Variants in LRP1B observed in about 807,000 individuals in gnomAD.
The protein encoded by LRP1B is low-density lipoprotein receptor-related protein 1B.
LRP1B carries 217 observed loss-of-function variants against 556.6 expected under a neutral mutation model. The ratio of observed to expected loss-of-function variants is 0.39; its 90% CI spans 0.35 to 0.44. The LOEUF (loss-of-function observed/expected upper bound fraction) is 0.44. Among genes scored for constraint, LRP1B ranks in the 20% least tolerant of loss-of-function variants. The pLI is 1.00. For missense variants in LRP1B, 5,053 were observed against 5,620.8 expected, an observed-to-expected ratio of 0.90 and a Z score of 3.23; for synonymous variants, 2,047 against 1,865.8, an observed-to-expected ratio of 1.10 and a Z score of -2.50.
chr2:141,475,687 G>A (rs1682675898), intron 3 of LRP1B, among the ~76,000 whole-genome samples: 1 of 152,096 alleles, frequency 6.6e-6, no homozygotes, highest in Non-Finnish European at 1.5e-5. Context: ...CAGAAAAGCA[G>A]CAGAGCAACA....
chr2:141,864,182 G>T (rs1378319870), intron 1 of LRP1B, among the ~76,000 whole-genome samples: 5 of 152,248 alleles, frequency 3.3e-5, no homozygotes, highest in African/African-American at 1.2e-4. Flanking sequence ...TAATTATTGT[G>T]AATAACTAAT....
chr2:140,234,929 A>C (rs1179165045), intron 89 of LRP1B, 45 bp from the exon 90 acceptor site: 2 of 745,602 alleles, frequency 2.7e-6, no homozygotes, highest in Admixed American at 1.9e-5. Flanking sequence ...AATATTATAG[A>C]ATCACTTTTC....
chr2:140,461,963 A>G (rs1687343360), intron 60 of LRP1B, among the ~76,000 whole-genome samples: 1 of 152,252 alleles, frequency 6.6e-6, no homozygotes, highest in South Asian at 2.1e-4. Flanking sequence ...ACAGAGTAAC[A>G]TGAGCTTAGA....
At chr2:141,232,974 A>G (rs1248790434) in intron 5 of LRP1B, among the ~76,000 whole-genome samples, 1 of 152,180 alleles carries the variant, frequency 6.6e-6, no homozygotes. Context: ...AATGTAATCT[A>G]TCTCTACCTG....
chr2:140,250,250 G>T (rs1285971330), intron 86 of LRP1B, among the ~76,000 whole-genome samples: 1 of 151,630 alleles, frequency 6.6e-6, no homozygotes, highest in Non-Finnish European at 1.5e-5. Context: ...ATAAAAATCA[G>T]CTTTATCTTA....
At chr2:141,660,278 G>C (rs1690164669) in intron 2 of LRP1B, among the ~76,000 whole-genome samples, 1 of 152,118 alleles carries the variant, frequency 6.6e-6, no homozygotes, top group South Asian at 2.1e-4. Flanking sequence ...ATGCTACCCT[G>C]CCCGGGAAGC....
chr2:141,137,199 C>G (rs542884650), intron 7 of LRP1B, among the ~76,000 whole-genome samples: 20 of 151,932 alleles, frequency 1.3e-4, no homozygotes, highest in African/African-American at 4.8e-4. Context: ...AAGACTCAAG[C>G]AAAGGGTCTA....
intron 11 of LRP1B, among the ~76,000 whole-genome samples, chr2:141,030,944 T>C (rs1469369424): frequency 6.6e-6 from 1 of 151,948 alleles, no homozygotes; most frequent in Non-Finnish European, 1.5e-5. Context: ...TCTTAGTCTA[T>C]GACCGAGTCT....
intron 2 of LRP1B, among the ~76,000 whole-genome samples, chr2:141,523,474 C>T (rs1372156744): frequency 2.0e-5 from 3 of 152,016 alleles, no homozygotes; most frequent in Non-Finnish European, 4.4e-5. Context: ...AGTGAATTAA[C>T]ATAAACAAGC....
At chr2:141,103,971 G>T (rs891063093) in intron 7 of LRP1B, among the ~76,000 whole-genome samples, 1 of 151,768 alleles carries the variant, frequency 6.6e-6, no homozygotes, top group East Asian at 1.9e-4. Flanking sequence ...TGTTTTTCAC[G>T]TTCGACATAA....
At chr2:141,526,623 C>T (rs957594953) in intron 2 of LRP1B, among the ~76,000 whole-genome samples, 1 of 151,940 alleles carries the variant, frequency 6.6e-6, no homozygotes, top group Non-Finnish European at 1.5e-5. Context: ...CACTGCCTTC[C>T]ACTTGCTCTC....
intron 1 of LRP1B, among the ~76,000 whole-genome samples, chr2:142,054,656 C>T (rs1214499598): frequency 6.6e-6 from 1 of 152,092 alleles, no homozygotes; most frequent in Non-Finnish European, 1.5e-5. Context: ...TGGATTCCTT[C>T]AGTAGAGTGG....
At chr2:140,553,706 AG>A (rs970326400) in intron 43 of LRP1B, among the ~76,000 whole-genome samples, 3 of 152,026 alleles carry the variant, frequency 2.0e-5, no homozygotes, top group African/African-American at 7.2e-5. Flanking sequence ...ACTCTTAACA[AG>A]GATTTTTGGA....
intron 1 of LRP1B, among the ~76,000 whole-genome samples, chr2:142,036,864 AAAGATTCCT>A (rs1240191734): frequency 6.6e-6 from 1 of 151,686 alleles, no homozygotes; most frequent in African/African-American, 2.4e-5. Context: ...AGGCAAAAAT[AAAGATTCCT>A]AACCCATTGT....
chr2:140,597,024 T>A (rs61539815), intron 43 of LRP1B, among the ~76,000 whole-genome samples: 3,062 of 152,236 alleles, frequency 0.02, 123 homozygotes, highest in African/African-American at 0.069. Context: ...AATTAACTTT[T>A]GCAAAATAAA....
chr2:141,153,832 G>A (rs1445607899), intron 7 of LRP1B, among the ~76,000 whole-genome samples: 1 of 150,928 alleles, frequency 6.6e-6, no homozygotes, highest in Non-Finnish European at 1.5e-5. Flanking sequence ...AATATATAGG[G>A]AAGACAGGAT....
intron 66 of LRP1B, among the ~76,000 whole-genome samples, chr2:140,424,119 A>G (rs1685561095): frequency 6.6e-6 from 1 of 152,118 alleles, no homozygotes; most frequent in South Asian, 2.1e-4. Flanking sequence ...ATTTACTAGG[A>G]CCTGAATTTT....
At chr2:140,705,551 A>C (rs1686805268) in intron 37 of LRP1B, among the ~76,000 whole-genome samples, 2 of 141,406 alleles carry the variant, frequency 1.4e-5, no homozygotes, top group African/African-American at 5.1e-5. Flanking sequence ...AAAAAAAAAA[A>C]AAAAAAAAAC....
intron 2 of LRP1B, among the ~76,000 whole-genome samples, chr2:141,693,229 A>G (rs1167821042): frequency 6.6e-6 from 1 of 152,014 alleles, no homozygotes; most frequent in Admixed American, 6.6e-5. Context: ...CTTGCCCGTA[A>G]TTATTACTCA....
Sources: allele counts gnomAD v4.1 joint callset (sites outside exome capture counted in the v4.1 genomes callset), GRCh38; gene constraint gnomAD v4.1.1; transcripts MANE v1.5; gene names NCBI Gene and HGNC (gene_info 2026-07-23, HGNC 2026-07-21).